COX7A2L: variants seen among roughly 807,000 people sequenced by gnomAD.
The protein encoded by COX7A2L is cytochrome c oxidase subunit 7A2-like, mitochondrial.
A neutral mutation model predicts 14.2 loss-of-function variants in COX7A2L; 18 were observed. The observed-to-expected ratio is 1.27, with a 90% CI of 0.88 to 1.88. The LOEUF (loss-of-function observed/expected upper bound fraction) is 1.88, where lower values mean the gene tolerates loss of function less well. Among genes scored for constraint, COX7A2L ranks in the 40% most tolerant of loss-of-function variants. The pLI, the probability that COX7A2L is intolerant of heterozygous loss-of-function variation, is 0.00. For synonymous variants in COX7A2L, 65 were observed against 57.4 expected (o/e 1.13, Z -0.60); for missense variants, 179 against 138.8 (o/e 1.29, Z -1.46).
At chr2:42,353,427 G>A (rs1670713708) in intron 1 of COX7A2L, 84 bp from the exon 2 acceptor site, 10 of 1,544,476 alleles carry the variant, frequency 6.5e-6, no homozygotes, top group East Asian at 2.3e-5. Flanking sequence ...ATTCAACTAC[G>A]AGAGAGCAAG....
chr2:42,350,030 A>G lies in COX7A2L; in HGVS notation c.*1189T>C, dbSNP rs1981664. The G allele has an allele frequency of 0.61, 92,796 of 151,828 alleles. 28,962 individuals are homozygous for G. The highest frequency in any genetic ancestry group is 0.75 in the East Asian group (3,858 of 5,176). 9.4% of individuals were successfully genotyped at this position (151,828 alleles called of 1,614,324 possible). On this transcript the variant is annotated 3_prime_UTR_variant, in exon 3 of 3. Transcript: ENST00000234301. The stretch of plus-strand genomic sequence containing the variant: ...GAAAATTTTCAAAATAAAAACTTGG[A>G]GGAAATACCAGAGAATAAAATTTAG...
chr2:42,361,188 C>A lies in COX7A2L; in HGVS notation c.-27G>T. 1 of 1,583,422 alleles carries A rather than the reference C, an allele frequency of 6.3e-7. No homozygotes were observed. Among genetic ancestry groups the A allele is most frequent in the Non-Finnish European group, 8.6e-7 (1 of 1,161,888 alleles). Reference sequence around the variant, plus strand: ...ACGCCCAGAGTCCGGCTTCCCGCATCCGCTGCCAACGCGACCGCCCCAGAG... The same window carrying A: ...ACGCCCAGAGTCCGGCTTCCCGCATACGCTGCCAACGCGACCGCCCCAGAG... On this transcript the variant is annotated 5_prime_UTR_variant, in exon 1 of 3. Coordinates refer to ENST00000234301, the MANE Select transcript of COX7A2L (RefSeq NM_004718.4).
chr2:42,351,891 G>T (rs1017755741), intron 2 of COX7A2L, among the ~76,000 whole-genome samples: 1 of 152,180 alleles, frequency 6.6e-6, no homozygotes, highest in Non-Finnish European at 1.5e-5. Flanking sequence ...GCTGAGGTGG[G>T]AGGATCGCTT....
rs1670331421 is a variant in COX7A2L, at chr2:42,338,473, G to A, written c.193-4604C>T. On this transcript the variant is annotated intron_variant, in intron 2 of 2. Transcript: ENST00000468711. The surrounding 1 kb of genome is among the most constrained non-coding windows in gnomAD (Gnocchi z 4.4). ...GGCCCCAGCTATGCTGGCAAGATCT[G>A]TGTTGATGTGGCCTGCCATGTGCTG... 1.3e-5 allele frequency among the ~76,000 whole-genome samples: 2 copies of A among 152,214 alleles called. No individual in the cohort carries two copies. The highest frequency in any genetic ancestry group is 1.5e-5 in the Non-Finnish European group (1 of 68,032).
chr2:42,347,769 A>G (rs1330326160), downstream of COX7A2L, among the ~76,000 whole-genome samples: 2 of 152,178 alleles, frequency 1.3e-5, no homozygotes, highest in Non-Finnish European at 2.9e-5. Flanking sequence ...TAAAAATACA[A>G]AATTAGCCAG....
At chr2:42,347,519 T>C (rs1440247145), downstream of COX7A2L, among the ~76,000 whole-genome samples, 2 of 152,146 alleles carry the variant, frequency 1.3e-5, no homozygotes, top group Non-Finnish European at 2.9e-5. Flanking sequence ...CTATGGTACA[T>C]TCATAAAATA....
chr2:42,361,205 G>T lies in COX7A2L; in HGVS notation c.-44C>A. Reference sequence around the variant, plus strand: ...TCCCGCATCCGCTGCCAACGCGACCGCCCCAGAGAAGGACCCCGCCTCCCC... The same window carrying T: ...TCCCGCATCCGCTGCCAACGCGACCTCCCCAGAGAAGGACCCCGCCTCCCC... On this transcript the variant is annotated 5_prime_UTR_variant, in exon 1 of 3. Transcript: ENST00000234301. 6.5e-7 allele frequency: 1 copy of T among 1,547,492 alleles called. No individual in the cohort carries two copies. The highest frequency in any genetic ancestry group is 1.2e-5 in the South Asian group (1 of 85,464).
intron 1 of COX7A2L, among the ~76,000 whole-genome samples, chr2:42,354,873 T>C (rs1670767453): frequency 6.6e-6 from 1 of 152,272 alleles, no homozygotes; most frequent in African/African-American, 2.4e-5. Context: ...TTAACCCTTG[T>C]GAAGTGTCAG....
At chr2:42,340,124 G>A (rs1037552650) in intron 2 of COX7A2L, among the ~76,000 whole-genome samples, 2 of 152,104 alleles carry the variant, frequency 1.3e-5, no homozygotes, top group Non-Finnish European at 2.9e-5. Flanking sequence ...AAGACCCATA[G>A]GCAACCCACA....
intron 2 of COX7A2L, among the ~76,000 whole-genome samples, 155 bp from the exon 3 acceptor site, chr2:42,351,514 A>G (rs531317984): frequency 6.6e-6 from 1 of 152,392 alleles, no homozygotes; most frequent in Admixed American, 6.5e-5. Flanking sequence ...AGAAGTTCCT[A>G]TAAATGTAGC....
intron 2 of COX7A2L, 133 bp downstream of exon 2, chr2:42,353,079 A>C: frequency 8.9e-7 from 1 of 1,124,816 alleles, no homozygotes; most frequent in Non-Finnish European, 1.3e-6. Flanking sequence ...GGCTCAAACT[A>C]AAATCAAGAG....
rs943704588 is a variant in COX7A2L at position 42,349,735 on chromosome 2, T to C, written c.*1484A>G. 6.6e-6 allele frequency: 1 copy of C among 152,210 alleles called. No individual in the cohort carries two copies. The highest frequency in any genetic ancestry group is 1.5e-5 in the Non-Finnish European group (1 of 68,034). The allele number at this position is 152,210 out of a possible 1,614,324, so 9.4% of individuals were successfully genotyped here. A position where few individuals can be genotyped will look rare whatever the true frequency, so the allele number is the denominator to read the frequency against. On this transcript the variant is annotated 3_prime_UTR_variant, in exon 3 of 3. Coordinates refer to ENST00000234301, the MANE Select transcript of COX7A2L (RefSeq NM_004718.4). Reference sequence around the variant, plus strand: ...AGTATTGTTATAAATGTTAACTTTATTGAGTCTGACAACTGCATTATGGTT... The same window carrying C: ...AGTATTGTTATAAATGTTAACTTTACTGAGTCTGACAACTGCATTATGGTT...
At chr2:42,364,292 G>C (rs962912976), upstream of COX7A2L, among the ~76,000 whole-genome samples, 11 of 149,960 alleles carry the variant, frequency 7.3e-5, no homozygotes, top group Admixed American at 3.3e-4. Flanking sequence ...GTCTGGCAGA[G>C]ATAAAAAAAC....
At chr2:42,340,673 G>A (rs1467078474) in intron 2 of COX7A2L, among the ~76,000 whole-genome samples, 1 of 152,012 alleles carries the variant, frequency 6.6e-6, no homozygotes, top group Non-Finnish European at 1.5e-5. Flanking sequence ...GTCCTCTAGT[G>A]GAAATCACCT....
Position 42,361,173 on chromosome 2 carries a change from T to C in COX7A2L, c.-12A>G. The stretch of plus-strand genomic sequence containing the variant: ...AACTTGTAGTACATGACGCCCAGAG[T>C]CCGGCTTCCCGCATCCGCTGCCAAC... On this transcript the variant is annotated 5_prime_UTR_variant, in exon 1 of 3. Transcript: ENST00000234301. The C allele has an allele frequency of 6.2e-7, 1 of 1,603,310 alleles. No homozygotes were observed. The highest frequency in any genetic ancestry group is 8.5e-7 in the Non-Finnish European group (1 of 1,173,484).
chr2:42,367,885 C>T (rs1399933842), intron 1 of COX7A2L, among the ~76,000 whole-genome samples: 1 of 152,260 alleles, frequency 6.6e-6, no homozygotes, highest in Non-Finnish European at 1.5e-5. Context: ...TGCAAGGCTA[C>T]CGTGTCCTCT....
chr2:42,340,837 C>T (rs549644203), intron 2 of COX7A2L, among the ~76,000 whole-genome samples: 1 of 152,288 alleles, frequency 6.6e-6, no homozygotes, highest in African/African-American at 2.4e-5. Context: ...GGAGCAGTGT[C>T]GCCTTTCTCC....
chr2:42,355,717 C>CTTTTTTTTTTTTTTTTTT (rs386390054), intron 1 of COX7A2L, among the ~76,000 whole-genome samples: 1 of 69,048 alleles, frequency 1.4e-5, no homozygotes, highest in African/African-American at 5.9e-5. Context: ...ATCCTACGTT[C>CTTTTTTTTTTTTTTTTTT]TTTTTTTTTT....
In COX7A2L at chr2:42,350,001, G is replaced by A. The variant is rs1175434789; in HGVS notation, c.*1218C>T. On this transcript the variant is annotated 3_prime_UTR_variant, in exon 3 of 3. Transcript: ENST00000234301. ...TTGTACTATGCTTAGTCCTTCTGTA[G>A]TCTGAAAATTTTCAAAATAAAAACT... is the stretch of plus-strand genomic sequence containing the variant. 1.3e-5 allele frequency: 2 copies of A among 152,100 alleles called. No homozygotes were observed. The highest frequency in any genetic ancestry group is 2.4e-5 in the African/African-American group (1 of 41,410). 9.4% of individuals were successfully genotyped at this position (152,100 alleles called of 1,614,324 possible). A position where few individuals can be genotyped will look rare whatever the true frequency, so the allele number is the denominator to read the frequency against.
Sources: gnomAD v4.1 joint callset for allele counts (sites outside exome capture counted in the v4.1 genomes callset) on GRCh38, gnomAD v4.1.1 for gene constraint, Gnocchi (gnomAD v3.1) non-coding constraint, MANE v1.5 for transcripts, NCBI Gene and HGNC (gene_info 2026-07-23, HGNC 2026-07-21) for gene names.